Variants in LIMS2 observed in about 807,000 individuals in gnomAD.
The protein encoded by LIMS2 is LIM zinc finger domain containing 2, also known as LIM and senescent cell antigen-like-containing domain protein 2.
A neutral mutation model predicts 45.3 loss-of-function variants in LIMS2; 30 were observed. The observed-to-expected ratio is 0.66, with a 90% CI of 0.50 to 0.90. The LOEUF (loss-of-function observed/expected upper bound fraction) is 0.90. Among genes scored for constraint, LIMS2 ranks in the 40% least tolerant of loss-of-function variants. LIMS2 has a pLI of 0.00. For missense variants in LIMS2, 485 were observed against 468.7 expected (o/e 1.03, Z -0.32); for synonymous variants, 173 against 188.0 (o/e 0.92, Z 0.65).
chr2:127,644,329 C>T (rs1682733350), intron 4 of LIMS2, among the ~76,000 whole-genome samples: 1 of 152,168 alleles, frequency 6.6e-6, no homozygotes, highest in Non-Finnish European at 1.5e-5. Context: ...TGGGCATCAT[C>T]TCCCCTCGAC....
chr2:127,663,504 T>C (rs1684809246), intron 1 of LIMS2, among the ~76,000 whole-genome samples: 1 of 152,210 alleles, frequency 6.6e-6, no homozygotes, highest in Admixed American at 6.5e-5. Context: ...GAGCCTTCCC[T>C]GACCACACAC....
Position 127,640,006 on chromosome 2 carries a change from G to A in LIMS2, c.878+64C>T, listed in dbSNP as rs1472083784. ...TCAGCTGGTGTGCAGGAGGGCTGCT[G>A]AGAGGAAGGACCTGCAGGAGCCCCC... On this transcript the variant is annotated intron_variant, in intron 9 of 9. Transcript: ENST00000355119. 4 of 1,528,628 alleles carry A rather than the reference G, an allele frequency of 2.6e-6. No individual in the cohort carries two copies. In the East Asian group the frequency reaches 9.0e-5, roughly 34 times the overall value. The allele number at this position is 1,528,628 out of a possible 1,614,324, so 94.7% of individuals were successfully genotyped here.
At chr2:127,649,281 C>T (rs1383781813) in intron 4 of LIMS2, among the ~76,000 whole-genome samples, 1 of 152,130 alleles carries the variant, frequency 6.6e-6, no homozygotes, top group East Asian at 1.9e-4. Flanking sequence ...GAGCCAGGCT[C>T]GCCCAGGATG....
At chr2:127,675,774 G>A (rs922035186), upstream of LIMS2, among the ~76,000 whole-genome samples, 3 of 152,152 alleles carry the variant, frequency 2.0e-5, no homozygotes, top group African/African-American at 7.2e-5. Context: ...ACTCCCTCCC[G>A]AGGCACCCGG....
rs539053883 is a variant in LIMS2 at position 127,670,752 on chromosome 2, C to T, written c.11+4262G>A. Among the ~76,000 whole-genome samples the T allele has an allele frequency of 7.9e-5, 12 of 152,326 alleles. No individual in the cohort carries two copies. In the East Asian group the frequency reaches 2.3e-3, roughly 29 times the overall value. On this transcript the variant is annotated intron_variant, in intron 1 of 9. Transcript: ENST00000355119. ...GCTGCCTCCCCAAGGCCCTGGGGCACGTGCCCTCAGCCCAGTGGGCAGAGG... is the reference window on the plus strand; with the variant it reads ...GCTGCCTCCCCAAGGCCCTGGGGCATGTGCCCTCAGCCCAGTGGGCAGAGG...
chr2:127,657,587 G>A, intron 1 of LIMS2, 25 bp from the exon 2 acceptor site: 2 of 1,575,432 alleles, frequency 1.3e-6, no homozygotes, highest in Non-Finnish European at 1.7e-6. Flanking sequence ...CAGGAGGAGT[G>A]AGTCAGAGCT....
At chr2:127,670,974 C>T (rs907970555) in intron 1 of LIMS2, among the ~76,000 whole-genome samples, 1 of 152,246 alleles carries the variant, frequency 6.6e-6, no homozygotes, top group African/African-American at 2.4e-5. Flanking sequence ...CATATGCATT[C>T]ACTCATGGAG....
chr2:127,676,407 CTTTTTTTTTTT>C (rs10677718), upstream of LIMS2, among the ~76,000 whole-genome samples: 1 of 115,866 alleles, frequency 8.6e-6, no homozygotes, highest in Admixed American at 9.3e-5. Context: ...GCAGTTGTTA[CTTTTTTTTTTT>C]TTTTTTTTTT....
At chr2:127,649,374 G>T (rs1202373997) in intron 4 of LIMS2, among the ~76,000 whole-genome samples, 1 of 152,214 alleles carries the variant, frequency 6.6e-6, no homozygotes, top group Non-Finnish European at 1.5e-5. Context: ...CTTCTCTTAT[G>T]CAAACCTCTC....
rs1176757086 is a variant in LIMS2, at chr2:127,642,627, C to T, written c.509+296G>A. The T allele has an allele frequency of 2.3e-6, 1 of 441,206 alleles. No homozygotes were observed. The highest frequency in any genetic ancestry group is 2.0e-5 in the African/African-American group (1 of 50,370). 27.3% of individuals were successfully genotyped at this position (441,206 alleles called of 1,614,324 possible). On this transcript the variant is annotated intron_variant, in intron 5 of 9. Coordinates refer to ENST00000355119, the MANE Select transcript of LIMS2 (RefSeq NM_001161403.3). The surrounding 1 kb of genome is among the most constrained non-coding windows in gnomAD (Gnocchi z 5.3). ...GGTCTCTTGCCCTGCCCCCTCAGGT[C>T]CCTTCCACTGCTCCATCTCAACCCT...
chr2:127,669,683 A>G (rs891077680), intron 1 of LIMS2, among the ~76,000 whole-genome samples: 29 of 152,144 alleles, frequency 1.9e-4, no homozygotes, highest in African/African-American at 7.0e-4. Context: ...GCACTACTGC[A>G]CTCCAGCCTG....
At chr2:127,660,731 G>A (rs75882937) in intron 1 of LIMS2, among the ~76,000 whole-genome samples, 7,069 of 152,288 alleles carry the variant, frequency 0.046, 234 homozygotes, top group African/African-American at 0.075. Flanking sequence ...CCCACCAAAA[G>A]GAGCCAATGC....
intron 4 of LIMS2, among the ~76,000 whole-genome samples, chr2:127,649,155 G>A (rs1389941365): frequency 7.4e-6 from 1 of 135,636 alleles, no homozygotes; most frequent in African/African-American, 2.6e-5. Context: ...AAGTGAGAGA[G>A]AGAGGAAGGT....
At position 127,672,624 on chromosome 2, in the gene LIMS2, C is replaced by T. The variant is rs1685318914; in HGVS notation, c.11+2390G>A. On this transcript the variant is annotated intron_variant, in intron 1 of 9. Transcript: ENST00000355119. The surrounding 1 kb of genome is among the most constrained non-coding windows in gnomAD (Gnocchi z 4.9). ...AACCCTGAGTCAGCCTCCTCTCCTC[C>T]ACCCGCTCAGCCACCCAGGAGAGGC... 6.6e-6 allele frequency among the ~76,000 whole-genome samples: 1 copy of T among 152,220 alleles called. No homozygotes were observed. Among genetic ancestry groups the T allele is most frequent in the Non-Finnish European group, 1.5e-5 (1 of 68,042 alleles).
At chr2:127,666,663 T>C (rs892323161) in intron 1 of LIMS2, among the ~76,000 whole-genome samples, 1 of 142,822 alleles carries the variant, frequency 7.0e-6, no homozygotes, top group African/African-American at 2.7e-5. Context: ...AAGAACTTCA[T>C]GAGACTCGGT....
chr2:127,662,804 T>G (rs769520779), intron 1 of LIMS2, among the ~76,000 whole-genome samples: 29 of 151,642 alleles, frequency 1.9e-4, no homozygotes, highest in South Asian at 1.7e-3. Flanking sequence ...AATAATAAAA[T>G]AAAAAAGAAA....
chr2:127,657,637 C>T (rs1236106250), intron 1 of LIMS2, 75 bp from the exon 2 acceptor site: 8 of 1,412,898 alleles, frequency 5.7e-6, no homozygotes, highest in African/African-American at 1.4e-5. Flanking sequence ...GGGCCTGCGC[C>T]CGACAGACAC....
At chr2:127,655,740 C>T (rs1315097198) in intron 2 of LIMS2, 1 of 152,348 alleles carries the variant, frequency 6.6e-6, no homozygotes, top group African/African-American at 2.4e-5. Context: ...CAGCATTCCT[C>T]AGGAGGCTGA....
chr2:127,674,492 C>T, intron 1 of LIMS2: 1 of 431,308 alleles, frequency 2.3e-6, no homozygotes, highest in Non-Finnish European at 3.1e-6. Context: ...TGTCCCCAAC[C>T]AACCCCTGCA....
Sources: gnomAD v4.1 joint callset for allele counts (sites outside exome capture counted in the v4.1 genomes callset) on GRCh38, gnomAD v4.1.1 for gene constraint, Gnocchi (gnomAD v3.1) non-coding constraint, MANE v1.5 for transcripts, NCBI Gene and HGNC (gene_info 2026-07-23, HGNC 2026-07-21) for gene names.